Variants in ABCA4 observed in about 807,000 individuals in gnomAD.
The protein encoded by ABCA4 is retinal-specific phospholipid-transporting ATPase ABCA4.
In ABCA4, 196 loss-of-function variants were observed where a neutral mutation model predicts 263.7. The observed-to-expected ratio is 0.74, with a 90% CI of 0.66 to 0.84. ABCA4 has a LOEUF of 0.84. ABCA4 is among the 40% of genes least tolerant of loss of function. The pLI is 0.00. For synonymous variants in ABCA4, 1,133 were observed against 1,094.2 expected, an observed-to-expected ratio of 1.04 and a Z score of -0.70; for missense variants, 2,792 against 2,855.1, an observed-to-expected ratio of 0.98 and a Z score of 0.50.
intron 7 of ABCA4, among the ~76,000 whole-genome samples, chr1:94,082,726 T>C (rs535476297): frequency 6.6e-6 from 1 of 152,342 alleles, no homozygotes; most frequent in East Asian, 1.9e-4. Context: ...GAGAATTGTT[T>C]TTTTCCCATC....
rs115406048 is a variant in ABCA4, at chr1:94,022,064, C to T, written c.4668-113G>A. On this transcript the variant is annotated intron_variant, in intron 32 of 49. Coordinates refer to ENST00000370225, the MANE Select transcript of ABCA4 (RefSeq NM_000350.3). ...CTTTCGGGGGAATTGCCTGGACCAGCGAGCAACATGGCTCCACTTTACAAA... is the reference window on the plus strand; with the variant it reads ...CTTTCGGGGGAATTGCCTGGACCAGTGAGCAACATGGCTCCACTTTACAAA... 12,275 of 860,162 alleles carry T rather than the reference C, an allele frequency of 0.014. 115 individuals are homozygous for T. Among genetic ancestry groups the T allele is most frequent in the Non-Finnish European group, 0.02 (10,124 of 514,838 alleles). 53.3% of individuals were successfully genotyped at this position (860,162 alleles called of 1,614,324 possible).
At position 94,043,348 on chromosome 1, in the gene ABCA4, G is replaced by T; in HGVS notation, c.3178C>A (p.Gln1060Lys). ...GLHHKRNEEA[Q>K]DLSGGMQRKL... ...CAGCTCTGAGCACCTGATAGGTCCT[G>T]AGCCTCTTCATTCCGCTTGTGGTGG... is the stretch of plus-strand genomic sequence containing the variant. The change falls in exon 21 of 50, where the codon CAG becomes AAG. Residue 1060 changes from glutamine to lysine, a missense_variant. By Grantham distance (53) the Gln-to-Lys change is moderately conservative. Coordinates refer to ENST00000370225, the MANE Select transcript of ABCA4 (RefSeq NM_000350.3). The T allele has an allele frequency of 6.2e-7, 1 of 1,614,096 alleles. No individual in the cohort carries two copies. The highest frequency in any genetic ancestry group is 1.1e-5 in the South Asian group (1 of 91,074).
At chr1:94,012,193 G>A (rs555416058) in intron 38 of ABCA4, among the ~76,000 whole-genome samples, 4 of 152,166 alleles carry the variant, frequency 2.6e-5, no homozygotes, top group South Asian at 2.1e-4. Context: ...CCACACCTGC[G>A]CCCACATTAC....
At chr1:94,011,207 C>T (rs548832198) in intron 39 of ABCA4, 55 bp downstream of exon 39, 3 of 1,613,162 alleles carry the variant, frequency 1.9e-6, no homozygotes, top group Non-Finnish European at 1.7e-6. Flanking sequence ...CCCCCGGTAA[C>T]CCTCCCAGCT....
chr1:94,109,749 C>T (rs1390297837), intron 3 of ABCA4, among the ~76,000 whole-genome samples: 3 of 152,292 alleles, frequency 2.0e-5, no homozygotes, highest in Admixed American at 1.3e-4. Flanking sequence ...GCCTTGCTGC[C>T]CTTGGCTCTG....
chr1:94,118,238 C>A (rs1328613661), intron 1 of ABCA4, among the ~76,000 whole-genome samples: 1 of 151,940 alleles, frequency 6.6e-6, no homozygotes, highest in East Asian at 1.9e-4. Context: ...TAGTACAGTG[C>A]CAGACACTTA....
chr1:94,030,504 G>A lies in ABCA4; in HGVS notation c.4276C>T (p.Gln1426Ter). The A allele has an allele frequency of 6.2e-7, 1 of 1,614,212 alleles. No homozygotes were observed. The highest frequency in any genetic ancestry group is 1.1e-5 in the South Asian group (1 of 91,088). ...FFSMDEPGSEQFTVLADVLLN... is the reference protein window; with the variant it reads ...FFSMDEPGSE ...AGGACGTCTGCAAGTACCGTGAACT[G>A]CTCACTGCCTGGTTCATCCATGCTA... The change falls in exon 29 of 50, where the codon CAG becomes TAG. Residue 1426 changes from glutamine to a stop codon, truncating the protein, a stop_gained. Coordinates refer to ENST00000370225, the MANE Select transcript of ABCA4 (RefSeq NM_000350.3). LOFTEE classifies it high-confidence loss of function.
intron 25 of ABCA4, 149 bp from the exon 26 acceptor site, chr1:94,036,937 A>G (rs1236409633): frequency 3.1e-6 from 3 of 958,330 alleles, no homozygotes; most frequent in East Asian, 2.5e-5. Context: ...CTATAAATAC[A>G]AAAACGTAAG....
intron 36 of ABCA4, among the ~76,000 whole-genome samples, chr1:94,017,013 C>T (rs1258647429): frequency 6.6e-6 from 1 of 152,168 alleles, no homozygotes; most frequent in African/African-American, 2.4e-5. Context: ...CGGCCCCCCA[C>T]TGACCACAGT....
intron 11 of ABCA4, among the ~76,000 whole-genome samples, chr1:94,066,463 A>C (rs1285133640): frequency 6.6e-6 from 1 of 152,236 alleles, no homozygotes; most frequent in Non-Finnish European, 1.5e-5. Context: ...AAAACGAAAA[A>C]CAAAATTATT....
chr1:94,041,107 TG>T, intron 23 of ABCA4, 101 bp downstream of exon 23: 2 of 1,192,984 alleles, frequency 1.7e-6, no homozygotes, highest in African/African-American at 1.5e-5. Flanking sequence ...ACACTGATTC[TG>T]GTGGCGAGAG....
In ABCA4 at chr1:94,036,739, C is replaced by A. The variant is rs61751400; in HGVS notation, c.3862+1G>T. 6.2e-7 allele frequency: 1 copy of A among 1,613,902 alleles called. No individual in the cohort carries two copies. Among genetic ancestry groups the A allele is most frequent in the South Asian group, 1.1e-5 (1 of 91,078 alleles). On this transcript the variant is annotated splice_donor_variant, in intron 26 of 49. Coordinates refer to ENST00000370225, the MANE Select transcript of ABCA4 (RefSeq NM_000350.3). LOFTEE classifies it high-confidence loss of function. ...ACAAGCCACTGGCTCCAGCACCATA[C>A]CCGCAAACAGAGGTCCTGAATCAGA...
chr1:94,117,002 CT>C (rs1291960595), intron 1 of ABCA4, among the ~76,000 whole-genome samples: 1 of 110,512 alleles, frequency 9.0e-6, no homozygotes, highest in African/African-American at 3.5e-5. Context: ...TTCTTTCTTT[CT>C]TTCTTTCTTT....
At chr1:94,006,675 T>G (rs759467421) in intron 43 of ABCA4, among the ~76,000 whole-genome samples, 1 of 152,218 alleles carries the variant, frequency 6.6e-6, no homozygotes, top group Non-Finnish European at 1.5e-5. Flanking sequence ...GGGCTGGCTA[T>G]GGAGGCCAAA....
At chr1:93,998,940 A>G (rs1030590629) in intron 47 of ABCA4, among the ~76,000 whole-genome samples, 13 of 147,922 alleles carry the variant, frequency 8.8e-5, no homozygotes, top group Admixed American at 2.0e-4. Context: ...TAGTAGAGAC[A>G]GGGTTTCACT....
At position 94,103,063 on chromosome 1, in the gene ABCA4, A is replaced by G; in HGVS notation, c.522T>C (p.Ser174=). ...TLFLIKNIGL[S]DSVVYLLINS... ...TGATCAGAAGGTAGACCACTGAGTCAGACAGGCCGATGTTTTTAATGAGAA... is the reference window on the plus strand; with the variant it reads ...TGATCAGAAGGTAGACCACTGAGTCGGACAGGCCGATGTTTTTAATGAGAA... Residue 174 remains serine, a synonymous_variant, in exon 5 of 50, where the codon TCT becomes TCC. Transcript: ENST00000370225. 1 of 1,614,236 alleles carries G rather than the reference A, an allele frequency of 6.2e-7. No homozygotes were observed. The highest frequency in any genetic ancestry group is 1.3e-5 in the African/African-American group (1 of 75,066).
intron 5 of ABCA4, among the ~76,000 whole-genome samples, chr1:94,100,053 C>T (rs1662248970): frequency 6.6e-6 from 1 of 152,212 alleles, no homozygotes. Flanking sequence ...CGGGGCACCA[C>T]AGTCTCCCAT....
In ABCA4 at chr1:94,036,380, CT is replaced by C. The variant is rs752570732; in HGVS notation, c.3862+359del. Among the ~76,000 whole-genome samples, 877 of 140,948 alleles carry C rather than the reference CT, an allele frequency of 6.2e-3. 2 individuals carry two copies. Among genetic ancestry groups the C allele is most frequent in the African/African-American group, 0.014 (554 of 38,302 alleles). The allele number at this position is 140,948 out of a possible 152,430, so 92.5% of individuals were successfully genotyped here. A position where few individuals can be genotyped will look rare whatever the true frequency, so the allele number is the denominator to read the frequency against. On this transcript the variant is annotated intron_variant, in intron 26 of 49. Coordinates refer to ENST00000370225, the MANE Select transcript of ABCA4 (RefSeq NM_000350.3). ...GTTGTTTCATGACTTTTTCCTTAGA[CT>C]TTTTTTTTTTTTTGAGATGGATTTT...
At chr1:94,040,698 A>G (rs1317794176) in intron 23 of ABCA4, among the ~76,000 whole-genome samples, 1 of 152,224 alleles carries the variant, frequency 6.6e-6, no homozygotes, top group African/African-American at 2.4e-5. Flanking sequence ...GCCTAGGATG[A>G]CACAGTTTGT....
Sources: allele counts gnomAD v4.1 joint callset (sites outside exome capture counted in the v4.1 genomes callset), GRCh38; gene constraint gnomAD v4.1.1; transcripts MANE v1.5; gene names NCBI Gene and HGNC (gene_info 2026-07-23, HGNC 2026-07-21).